HDAC9: variants seen among roughly 807,000 people sequenced by gnomAD.
HDAC9 encodes histone deacetylase 9, also known as MEF-2 interacting transcription repressor (MITR) protein.
In HDAC9, 41 loss-of-function variants were observed where a neutral mutation model predicts 139.4. That is an observed-to-expected ratio of 0.29 (90% CI 0.23 to 0.38). The LOEUF is 0.38. HDAC9 is among the 10% of genes least tolerant of loss of function. The pLI is 1.00. For synonymous variants in HDAC9, 517 were observed against 476.2 expected (o/e 1.09, Z -1.12); for missense variants, 1,147 against 1,297.0 (o/e 0.88, Z 1.78).
chr7:18,104,317 C>G (rs991868860), intron 1 of HDAC9, among the ~76,000 whole-genome samples: 1 of 151,806 alleles, frequency 6.6e-6, no homozygotes, highest in Non-Finnish European at 1.5e-5. Context: ...ACCAAGTGAT[C>G]ATACATCATA....
At chr7:18,136,542 A>C (rs988757070) in intron 1 of HDAC9, among the ~76,000 whole-genome samples, 2 of 152,126 alleles carry the variant, frequency 1.3e-5, no homozygotes, top group Non-Finnish European at 2.9e-5. Flanking sequence ...TTTTCCCAAC[A>C]CCATTTATTA....
intron 2 of HDAC9, among the ~76,000 whole-genome samples, chr7:18,583,032 G>A (rs1235999355): frequency 6.6e-6 from 1 of 151,964 alleles, no homozygotes; most frequent in African/African-American, 2.4e-5. Context: ...TTCAGTTGTT[G>A]CATTCTTTTA....
chr7:18,458,764 AG>A, intron 1 of HDAC9: 2 of 836,328 alleles, frequency 2.4e-6, no homozygotes, highest in Non-Finnish European at 3.9e-6. Context: ...AGAGAGCTGG[AG>A]GTGGTGGCTC....
chr7:18,506,727 C>T (rs953123920), intron 2 of HDAC9, among the ~76,000 whole-genome samples: 2 of 152,010 alleles, frequency 1.3e-5, no homozygotes, highest in African/African-American at 4.8e-5. Context: ...CACCAATGCT[C>T]CTAGCTTTAT....
rs138654807 is a variant in HDAC9, at chr7:18,817,017, T to C, written c.2323-12144T>C. On this transcript the variant is annotated intron_variant, in intron 17 of 25. Transcript: ENST00000686413. ...ATTCTTATAAATAAACGACTTAATA[T>C]ACCTAGGTGAGAAGTTTTTTGTTTT... Among the ~76,000 whole-genome samples the C allele has an allele frequency of 4.5e-3, 680 of 150,344 alleles. 7 individuals are homozygous for C. The highest frequency in any genetic ancestry group is 0.016 in the African/African-American group (632 of 40,550).
intron 1 of HDAC9, among the ~76,000 whole-genome samples, chr7:18,325,334 T>TA (rs1391456592): frequency 2.0e-5 from 3 of 152,158 alleles, no homozygotes; most frequent in African/African-American, 7.2e-5. Flanking sequence ...CAGTTGACAT[T>TA]ATGATCAAAA....
chr7:18,833,461 T>C (rs762004511), intron 19 of HDAC9, among the ~76,000 whole-genome samples: 2 of 152,232 alleles, frequency 1.3e-5, no homozygotes, highest in Admixed American at 1.3e-4. Context: ...TACTATTGTA[T>C]AGGGGAAATA....
intron 16 of HDAC9, among the ~76,000 whole-genome samples, chr7:18,789,286 G>GCGCACACACACACACACACACA (rs146066951): frequency 1.3e-5 from 2 of 148,396 alleles, no homozygotes; most frequent in African/African-American, 5.0e-5. Context: ...ACACATACAC[G>GCGCACACACACACACACACACA]CACACACACA....
chr7:18,295,464 A>G (rs10281758), intron 1 of HDAC9, among the ~76,000 whole-genome samples: 2,887 of 152,282 alleles, frequency 0.019, 101 homozygotes, highest in African/African-American at 0.066. Context: ...CTGACTAATC[A>G]GTTTTACTGT....
chr7:18,381,133 C>T (rs987975301), intron 1 of HDAC9, among the ~76,000 whole-genome samples: 17 of 123,376 alleles, frequency 1.4e-4, no homozygotes, highest in South Asian at 5.6e-4. Flanking sequence ...CAGGAGGCAG[C>T]GGTTGCAATG....
chr7:18,574,254 A>G (rs1034605510), intron 2 of HDAC9, among the ~76,000 whole-genome samples: 1 of 152,166 alleles, frequency 6.6e-6, no homozygotes, highest in Non-Finnish European at 1.5e-5. Flanking sequence ...CACAGTGGGT[A>G]GCTCCTTCCC....
At chr7:18,366,520 A>C (rs888738236) in intron 1 of HDAC9, among the ~76,000 whole-genome samples, 1 of 152,116 alleles carries the variant, frequency 6.6e-6, no homozygotes, top group East Asian at 1.9e-4. Context: ...ACATTTGGCC[A>C]GGAACCTTCT....
upstream of HDAC9, among the ~76,000 whole-genome samples, chr7:18,289,557 A>G (rs543965583): frequency 6.6e-6 from 1 of 152,318 alleles, no homozygotes; most frequent in East Asian, 1.9e-4. Flanking sequence ...GTGAGGCTTC[A>G]GGATGATTTG....
At chr7:18,440,659 C>T (rs530355825) in intron 1 of HDAC9, among the ~76,000 whole-genome samples, 1 of 152,088 alleles carries the variant, frequency 6.6e-6, no homozygotes, top group South Asian at 2.1e-4. Flanking sequence ...CTCTTGTTTT[C>T]TATTTCATTA....
At chr7:18,569,556 G>A (rs1054129108) in intron 2 of HDAC9, among the ~76,000 whole-genome samples, 7 of 152,194 alleles carry the variant, frequency 4.6e-5, no homozygotes, top group Non-Finnish European at 2.9e-5. Context: ...GAAGCATTCT[G>A]TAATGCTGAT....
At chr7:18,611,053 G>A (rs1195541709) in intron 6 of HDAC9, among the ~76,000 whole-genome samples, 1 of 152,144 alleles carries the variant, frequency 6.6e-6, no homozygotes, top group Non-Finnish European at 1.5e-5. Context: ...TATAATAGGT[G>A]ATCATGTAAG....
intron 16 of HDAC9, among the ~76,000 whole-genome samples, chr7:18,767,716 G>A (rs771900219): frequency 6.6e-6 from 1 of 152,144 alleles, no homozygotes; most frequent in Non-Finnish European, 1.5e-5. Flanking sequence ...TTAGAACCCA[G>A]CAACACATGA....
chr7:18,096,281 A>G (rs1243945608), intron 1 of HDAC9, among the ~76,000 whole-genome samples: 3 of 152,194 alleles, frequency 2.0e-5, no homozygotes, highest in Non-Finnish European at 4.4e-5. Flanking sequence ...AGTGTTCTGT[A>G]ATGACTCACT....
intron 1 of HDAC9, among the ~76,000 whole-genome samples, chr7:18,410,673 G>C (rs889148184): frequency 3.3e-5 from 5 of 152,100 alleles, no homozygotes; most frequent in East Asian, 3.9e-4. Context: ...ACATACAGTA[G>C]AGTTGACAGG....
Sources: gnomAD v4.1 joint callset for allele counts (sites outside exome capture counted in the v4.1 genomes callset) on GRCh38, gnomAD v4.1.1 for gene constraint, MANE v1.5 for transcripts, NCBI Gene and HGNC (gene_info 2026-07-23, HGNC 2026-07-21) for gene names.